The following G3BP2 variants were observed in gnomAD, a reference collection of about 807,000 sequenced individuals.
G3BP2 encodes G3BP stress granule assembly factor 2.
Under a neutral mutation model 56.7 loss-of-function variants are expected in G3BP2, and 11 were observed. The ratio of observed to expected loss-of-function variants is 0.19; its 90% CI spans 0.12 to 0.32. The LOEUF (loss-of-function observed/expected upper bound fraction) is 0.32, where lower values mean the gene tolerates loss of function less well. Ranked by LOEUF, G3BP2 falls within the 10% of genes least tolerant of loss-of-function variation. The probability of loss-of-function intolerance (pLI) is 1.00; values close to 1 mark genes in which losing one functional copy is unlikely to be tolerated. For synonymous variants in G3BP2, 165 were observed against 191.6 expected (o/e 0.86, Z 1.15); for missense variants, 340 against 610.9 (o/e 0.56, Z 4.67).
intron 3 of G3BP2, among the ~76,000 whole-genome samples, chr4:75,712,495 C>CTTGT (rs1719795861): frequency 1.3e-5 from 2 of 152,212 alleles, no homozygotes; most frequent in South Asian, 4.1e-4. Context: ...TGTTAAAATT[C>CTTGT]CAGTTCTTAC....
chr4:75,685,274 G>A (rs573577549), intron 3 of G3BP2, among the ~76,000 whole-genome samples: 5 of 151,804 alleles, frequency 3.3e-5, no homozygotes, highest in Non-Finnish European at 5.9e-5. Flanking sequence ...GCCGAGGCAC[G>A]TGGATCACCT....
At chr4:75,692,459 G>A (rs982823340) in intron 3 of G3BP2, among the ~76,000 whole-genome samples, 6 of 152,108 alleles carry the variant, frequency 3.9e-5, no homozygotes, top group South Asian at 2.1e-4. Flanking sequence ...CTACAGGCGC[G>A]GGCCACCACA....
intron 3 of G3BP2, 39 bp downstream of exon 3, chr4:75,658,804 A>G (rs753729186): frequency 8.0e-7 from 1 of 1,257,168 alleles, no homozygotes; most frequent in South Asian, 1.2e-5. Flanking sequence ...CTCCATCTTA[A>G]CACAAAATTT....
intron 1 of G3BP2, chr4:75,662,621 C>G (rs1560621487): frequency 6.6e-6 from 1 of 152,256 alleles, no homozygotes; most frequent in Non-Finnish European, 1.5e-5. Context: ...ACATTCCTAA[C>G]TACTACTATC....
At chr4:75,645,831 T>C (rs1441723709) in intron 11 of G3BP2, 129 bp from the exon 12 acceptor site, 3 of 769,930 alleles carry the variant, frequency 3.9e-6, no homozygotes, top group Non-Finnish European at 4.1e-6. Flanking sequence ...CCCCCAGAGA[T>C]AGGGTCTCAG....
At chr4:75,710,693 G>A (rs988658429) in intron 3 of G3BP2, among the ~76,000 whole-genome samples, 6 of 151,926 alleles carry the variant, frequency 3.9e-5, no homozygotes, top group African/African-American at 1.5e-4. Context: ...CAGGAACGGG[G>A]TCTCACTTTG....
intron 3 of G3BP2, among the ~76,000 whole-genome samples, chr4:75,718,277 T>C (rs1720006548): frequency 6.6e-6 from 1 of 151,994 alleles, no homozygotes; most frequent in South Asian, 2.1e-4. Flanking sequence ...ATTCTGCTTA[T>C]TGTATTTTCT....
chr4:75,684,713 C>A (rs928348761), intron 3 of G3BP2, among the ~76,000 whole-genome samples: 2 of 151,858 alleles, frequency 1.3e-5, no homozygotes, highest in Non-Finnish European at 2.9e-5. Context: ...AGTTTTTAAT[C>A]TGAAGCCTAA....
intron 3 of G3BP2, among the ~76,000 whole-genome samples, chr4:75,715,135 G>A (rs1181032110): frequency 6.6e-6 from 1 of 152,150 alleles, no homozygotes; most frequent in South Asian, 2.1e-4. Flanking sequence ...TGTGAAACAG[G>A]AATAAGAATT....
At chr4:75,723,109 T>C (rs1720244948) in intron 1 of G3BP2, among the ~76,000 whole-genome samples, 1 of 152,134 alleles carries the variant, frequency 6.6e-6, no homozygotes, top group African/African-American at 2.4e-5. Flanking sequence ...AGTTGAGCCT[T>C]AAGGAATTAG....
At chr4:75,723,585 C>T (rs139032334) in intron 1 of G3BP2, among the ~76,000 whole-genome samples, 2 of 152,316 alleles carry the variant, frequency 1.3e-5, no homozygotes, top group East Asian at 3.8e-4. Flanking sequence ...TAAGATTCTT[C>T]CCAGCTTCCT....
chr4:75,677,309 A>C (rs914107986), upstream of G3BP2, among the ~76,000 whole-genome samples: 1 of 152,126 alleles, frequency 6.6e-6, no homozygotes, highest in African/African-American at 2.4e-5. Flanking sequence ...GCAGTGGTTC[A>C]CGCCTGTAAC....
At chr4:75,685,177 T>A (rs1238431223) in intron 3 of G3BP2, among the ~76,000 whole-genome samples, 2 of 147,158 alleles carry the variant, frequency 1.4e-5, no homozygotes, top group Non-Finnish European at 3.0e-5. Context: ...AACACTTTTT[T>A]AAAAGTTTAT....
intron 3 of G3BP2, among the ~76,000 whole-genome samples, chr4:75,680,225 T>C (rs978637625): frequency 6.6e-6 from 1 of 152,200 alleles, no homozygotes; most frequent in African/African-American, 2.4e-5. Flanking sequence ...CAGTCTCTTA[T>C]AGATTAAGTT....
intron 3 of G3BP2, chr4:75,694,674 G>T: frequency 1.6e-6 from 1 of 634,982 alleles, no homozygotes; most frequent in Non-Finnish European, 2.0e-6. Context: ...CGAGGCGGCG[G>T]TTGCAGTGAG....
intron 2 of G3BP2, 59 bp downstream of exon 2, chr4:75,661,872 A>G: frequency 1.2e-6 from 1 of 828,272 alleles, no homozygotes. Context: ...CAAAATATAT[A>G]TAGTCATACC....
At chr4:75,657,054 C>G in intron 4 of G3BP2, 40 bp from the exon 5 acceptor site, 1 of 861,808 alleles carries the variant, frequency 1.2e-6, no homozygotes, top group Non-Finnish European at 1.9e-6. Flanking sequence ...ATCCAGAAAT[C>G]TGGTATTATA....
At chr4:75,713,065 G>A (rs1333142484) in intron 3 of G3BP2, among the ~76,000 whole-genome samples, 2 of 152,168 alleles carry the variant, frequency 1.3e-5, no homozygotes, top group African/African-American at 4.8e-5. Flanking sequence ...GTATTTTTAA[G>A]TATCAATCAT....
chr4:75,678,534 G>C (rs1733962305), intron 3 of G3BP2, among the ~76,000 whole-genome samples: 1 of 152,230 alleles, frequency 6.6e-6, no homozygotes, highest in African/African-American at 2.4e-5. Flanking sequence ...AAAGAGTCTG[G>C]CTGGGCACAA....
Sources: allele counts gnomAD v4.1 joint callset (sites outside exome capture counted in the v4.1 genomes callset), GRCh38; gene constraint gnomAD v4.1.1; transcripts MANE v1.5; gene names NCBI Gene and HGNC (gene_info 2026-07-23, HGNC 2026-07-21).